COL14A1: variants seen among roughly 807,000 people sequenced by gnomAD.
COL14A1 encodes the protein collagen type XIV alpha 1 chain.
A neutral mutation model predicts 230.3 loss-of-function variants in COL14A1; 136 were observed. That is an observed-to-expected ratio of 0.59 (90% CI 0.51 to 0.68). COL14A1 has a LOEUF of 0.68. Among genes scored for constraint, COL14A1 ranks in the 30% least tolerant of loss-of-function variants. The pLI is 0.00. For missense variants in COL14A1, 1,976 were observed against 2,215.8 expected (o/e 0.89, Z 2.17); for synonymous variants, 792 against 784.1 (o/e 1.01, Z -0.17).
rs540176444 is a variant in COL14A1 at position 120,250,488 on chromosome 8, A to G, written c.2603-129A>G. On this transcript the variant is annotated intron_variant, in intron 21 of 47. Transcript: ENST00000297848. ...TAGATGAGACCAGATTCAAACCTCA[A>G]CCCTGCTGTCTGCTTGCTGTATAAT... 108 of 981,082 alleles carry G rather than the reference A, an allele frequency of 1.1e-4. No homozygotes were observed. In the African/African-American group the frequency reaches 1.3e-3, roughly 12 times the overall value. 60.8% of individuals were successfully genotyped at this position (981,082 alleles called of 1,614,324 possible).
At chr8:120,328,567 C>G (rs1821764556) in intron 40 of COL14A1, among the ~76,000 whole-genome samples, 1 of 152,070 alleles carries the variant, frequency 6.6e-6, no homozygotes, top group Non-Finnish European at 1.5e-5. Context: ...CACTGAAGCA[C>G]TAGCCCTTTC....
intron 14 of COL14A1, among the ~76,000 whole-genome samples, chr8:120,218,284 G>GATATATAAT (rs1374607809): frequency 7.3e-6 from 1 of 137,444 alleles, no homozygotes; most frequent in Non-Finnish European, 1.5e-5. Flanking sequence ...TATATAAATA[G>GATATATAAT]ATATATAATA....
chr8:120,274,703 A>C (rs916248794), intron 26 of COL14A1, among the ~76,000 whole-genome samples: 7 of 151,658 alleles, frequency 4.6e-5, no homozygotes, highest in Admixed American at 1.3e-4. Context: ...ATAAGAGATA[A>C]GGCCTGAGGA....
chr8:120,367,417 C>T (rs1823441492), intron 46 of COL14A1, among the ~76,000 whole-genome samples, 169 bp downstream of exon 46: 2 of 152,142 alleles, frequency 1.3e-5, no homozygotes, highest in South Asian at 4.1e-4. Context: ...TCCCAATATA[C>T]AAGACCAAAA....
intron 23 of COL14A1, among the ~76,000 whole-genome samples, chr8:120,258,062 G>T (rs1819213898): frequency 6.6e-6 from 1 of 152,138 alleles, no homozygotes. Flanking sequence ...TAGCCACGTT[G>T]TATCATTCAG....
At chr8:120,208,124 A>G (rs1249246796) in intron 10 of COL14A1, 108 bp from the exon 11 acceptor site, 2 of 1,167,094 alleles carry the variant, frequency 1.7e-6, no homozygotes, top group Non-Finnish European at 2.4e-6. Context: ...GGCACAAACA[A>G]GAAAATATTC....
intron 46 of COL14A1, 60 bp downstream of exon 46, chr8:120,367,308 G>GC: frequency 2.9e-6 from 4 of 1,359,814 alleles, no homozygotes; most frequent in South Asian, 1.2e-5. Context: ...ACTTGGCATT[G>GC]CAAGTGAGGA....
chr8:120,231,539 T>A lies in COL14A1; in HGVS notation c.2270T>A (p.Ile757Asn). ...TCTAGCCTGCGGGTAAAATGGGACA[T>A]TTCTGACAGCGATGTGCAGCAGTTT... ...TTSSLRVKWD[I>N]SDSDVQQFRV... Residue 757 changes from isoleucine (I) to asparagine (N), a missense_variant, in exon 19 of 48, where the codon ATT becomes AAT. Coordinates refer to ENST00000297848, the MANE Select transcript of COL14A1 (RefSeq NM_021110.4). 6.2e-7 allele frequency: 1 copy of A among 1,614,094 alleles called. No individual in the cohort carries two copies. The highest frequency in any genetic ancestry group is 8.5e-7 in the Non-Finnish European group (1 of 1,180,008).
At position 120,165,674 on chromosome 8, in the gene COL14A1, TC is replaced by T. The variant is rs1456706730; in HGVS notation, c.350-2486del. Reference sequence around the variant, plus strand: ...ACATAGTGGATCAGCTTCCATAATGTCTGTTATTTTTTCTTGTTTATTTATA... The same window carrying T: ...ACATAGTGGATCAGCTTCCATAATGTTGTTATTTTTTCTTGTTTATTTATA... On this transcript the variant is annotated intron_variant, in intron 4 of 47. Coordinates refer to ENST00000297848, the MANE Select transcript of COL14A1 (RefSeq NM_021110.4). Among the ~76,000 whole-genome samples, 19 of 147,496 alleles carry T rather than the reference TC, an allele frequency of 1.3e-4. 1 individual carries two copies. Among genetic ancestry groups the T allele is most frequent in the Non-Finnish European group, 2.2e-4 (15 of 68,020 alleles).
chr8:120,293,977 A>G (rs1172291699), intron 34 of COL14A1, among the ~76,000 whole-genome samples: 3 of 151,894 alleles, frequency 2.0e-5, no homozygotes, highest in African/African-American at 7.2e-5. Context: ...ACAAGTGGTA[A>G]ATGCACAATC....
At chr8:120,317,774 T>C (rs75338280) in intron 40 of COL14A1, among the ~76,000 whole-genome samples, 1,551 of 152,312 alleles carry the variant, frequency 0.01, 29 homozygotes, top group African/African-American at 0.036. Flanking sequence ...ATAAATATTT[T>C]GCTATCCCTC....
intron 11 of COL14A1, among the ~76,000 whole-genome samples, chr8:120,209,221 T>G (rs1817542644): frequency 6.6e-6 from 1 of 152,036 alleles, no homozygotes; most frequent in South Asian, 2.1e-4. Context: ...AATACAAAAA[T>G]TAGCTGAGCA....
At chr8:120,187,583 A>G (rs564732514) in intron 5 of COL14A1, among the ~76,000 whole-genome samples, 142 of 152,360 alleles carry the variant, frequency 9.3e-4, no homozygotes, top group African/African-American at 3.4e-3. Flanking sequence ...CATAACATCA[A>G]ATGAATAAAC....
intron 2 of COL14A1, among the ~76,000 whole-genome samples, chr8:120,151,155 A>T (rs1815266428): frequency 6.6e-6 from 1 of 152,158 alleles, no homozygotes; most frequent in Non-Finnish European, 1.5e-5. Flanking sequence ...TGATTAGGAA[A>T]ATATGAGACC....
chr8:120,203,667 G>C (rs752432010), intron 8 of COL14A1, 42 bp from the exon 9 acceptor site: 25 of 1,603,806 alleles, frequency 1.6e-5, no homozygotes, highest in Non-Finnish European at 2.0e-5. Context: ...CTTTCCAAGG[G>C]GGCATAAAAG....
intron 5 of COL14A1, among the ~76,000 whole-genome samples, chr8:120,194,329 G>T (rs1294985960): frequency 6.6e-6 from 1 of 152,088 alleles, no homozygotes; most frequent in Non-Finnish European, 1.5e-5. Context: ...TGCCAGATAG[G>T]ATTATTTCCC....
chr8:120,202,273 A>G (rs1817272787), intron 8 of COL14A1, among the ~76,000 whole-genome samples: 3 of 152,336 alleles, frequency 2.0e-5, no homozygotes, highest in South Asian at 2.1e-4. Context: ...TCTGAAAATT[A>G]CTTGGAAATC....
At chr8:120,217,589 A>G (rs1294196868) in intron 14 of COL14A1, among the ~76,000 whole-genome samples, 1 of 152,168 alleles carries the variant, frequency 6.6e-6, no homozygotes, top group Non-Finnish European at 1.5e-5. Context: ...TGTGTAATGG[A>G]CGGGCAGTAA....
At chr8:120,199,169 A>T (rs1817144639) in intron 7 of COL14A1, among the ~76,000 whole-genome samples, 2 of 152,204 alleles carry the variant, frequency 1.3e-5, no homozygotes, top group Admixed American at 1.3e-4. Context: ...TGTTCTTTAT[A>T]AATGCTAGTT....
Sources: gnomAD v4.1 joint callset for allele counts (sites outside exome capture counted in the v4.1 genomes callset) on GRCh38, gnomAD v4.1.1 for gene constraint, MANE v1.5 for transcripts, NCBI Gene and HGNC (gene_info 2026-07-23, HGNC 2026-07-21) for gene names.